The following SMIM8 variants were observed in gnomAD, a reference collection of about 807,000 sequenced individuals.
SMIM8 encodes small integral membrane protein 8.
Under a neutral mutation model 8.1 loss-of-function variants are expected in SMIM8, and 8 were observed. That is an observed-to-expected ratio of 0.99 (90% CI 0.58 to 1.78). The LOEUF is 1.78. SMIM8 is among the 40% of genes most tolerant of loss of function. SMIM8 has a pLI of 0.00. For missense variants in SMIM8, 126 were observed against 119.8 expected, an observed-to-expected ratio of 1.05 and a Z score of -0.24; for synonymous variants, 45 against 39.7, an observed-to-expected ratio of 1.13 and a Z score of -0.50.
At chr6:87,325,241 A>C (rs2127915414) in intron 1 of SMIM8, among the ~76,000 whole-genome samples, 1 of 151,014 alleles carries the variant, frequency 6.6e-6, no homozygotes, top group Admixed American at 6.6e-5. Flanking sequence ...CTCTTTTCCT[A>C]ATTGAATACC....
chr6:87,328,255 C>G (rs1776884803), intron 1 of SMIM8, among the ~76,000 whole-genome samples: 1 of 152,104 alleles, frequency 6.6e-6, no homozygotes, highest in South Asian at 2.1e-4. Flanking sequence ...CTCAGCTCGT[C>G]AAAGTCATTC....
chr6:87,323,803 C>A lies in SMIM8; in HGVS notation c.-45+1171C>A, dbSNP rs58345266. 1.8e-3 allele frequency among the ~76,000 whole-genome samples: 272 copies of A among 152,058 alleles called. 1 individual carries two copies. The highest frequency in any genetic ancestry group is 6.4e-3 in the African/African-American group (264 of 41,466). On this transcript the variant is annotated intron_variant, in intron 1 of 3. Transcript: ENST00000392863. ...GGGTATATACCCAGTAATGGGATGG[C>A]TGGGTCAAATGGTATTTCTAGTTCT...
chr6:87,322,851 A>G (rs1297277806), intron 1 of SMIM8: 1 of 151,894 alleles, frequency 6.6e-6, no homozygotes, highest in Non-Finnish European at 1.5e-5. Flanking sequence ...CACAGAGCCC[A>G]TTTCCCGTAC....
At chr6:87,332,998 T>C (rs1369098150) in intron 2 of SMIM8, among the ~76,000 whole-genome samples, 1 of 152,206 alleles carries the variant, frequency 6.6e-6, no homozygotes, top group Non-Finnish European at 1.5e-5. Flanking sequence ...TTTGTGTTGC[T>C]ATAAAGGAAT....
At chr6:87,324,669 G>C (rs1289459608) in intron 1 of SMIM8, among the ~76,000 whole-genome samples, 14 of 151,136 alleles carry the variant, frequency 9.3e-5, no homozygotes, top group Admixed American at 5.3e-4. Flanking sequence ...TTTGGTTACT[G>C]TAGCCTTGTA....
intron 2 of SMIM8, among the ~76,000 whole-genome samples, chr6:87,334,037 C>G (rs1233626533): frequency 6.6e-6 from 1 of 152,116 alleles, no homozygotes; most frequent in Non-Finnish European, 1.5e-5. Flanking sequence ...CATGGTGAGA[C>G]AGGAAGCAAG....
chr6:87,330,541 C>T (rs1237695672), intron 1 of SMIM8, among the ~76,000 whole-genome samples, 151 bp from the exon 2 acceptor site: 2 of 151,946 alleles, frequency 1.3e-5, no homozygotes, highest in African/African-American at 4.8e-5. Flanking sequence ...CGGTGTAGGA[C>T]CATCTGTACA....
At chr6:87,333,169 T>C (rs1228702718) in intron 2 of SMIM8, among the ~76,000 whole-genome samples, 1 of 152,106 alleles carries the variant, frequency 6.6e-6, no homozygotes, top group African/African-American at 2.4e-5. Context: ...AGAGATCACA[T>C]GGTAAGAGAG....
At chr6:87,324,378 T>C (rs1462249865) in intron 1 of SMIM8, among the ~76,000 whole-genome samples, 1 of 152,108 alleles carries the variant, frequency 6.6e-6, no homozygotes, top group Non-Finnish European at 1.5e-5. Context: ...GCTTAGGTTT[T>C]CTTCTAGGGT....
chr6:87,336,899 G>T, intron 2 of SMIM8, 110 bp from the exon 3 acceptor site: 2 of 729,120 alleles, frequency 2.7e-6, no homozygotes, highest in Non-Finnish European at 4.1e-6. Context: ...AATCACATTT[G>T]GTATGTATCT....
chr6:87,326,090 T>C (rs988740984), intron 1 of SMIM8, among the ~76,000 whole-genome samples: 9 of 152,366 alleles, frequency 5.9e-5, no homozygotes, highest in Admixed American at 2.0e-4. Flanking sequence ...GTAGTTTGTA[T>C]TTCTGTGGGA....
At chr6:87,338,538 G>A (rs1004682978) in intron 3 of SMIM8, among the ~76,000 whole-genome samples, 3 of 152,178 alleles carry the variant, frequency 2.0e-5, no homozygotes, top group African/African-American at 7.2e-5. Context: ...GGCATTGTAA[G>A]GTTAATATAT....
intron 1 of SMIM8, among the ~76,000 whole-genome samples, chr6:87,328,980 A>G (rs988763228): frequency 6.6e-6 from 1 of 152,170 alleles, no homozygotes; most frequent in African/African-American, 2.4e-5. Context: ...GCCCGTCGGA[A>G]AAGCGCAGGA....
At chr6:87,339,325 C>CGCGTGTGT (rs1227198338) in intron 3 of SMIM8, among the ~76,000 whole-genome samples, 25 of 124,086 alleles carry the variant, frequency 2.0e-4, no homozygotes, top group Non-Finnish European at 2.7e-4. Context: ...CAAAACACAG[C>CGCGTGTGT]GTGTGTGTGT....
At chr6:87,324,058 T>A (rs1472487507) in intron 1 of SMIM8, among the ~76,000 whole-genome samples, 14 of 151,166 alleles carry the variant, frequency 9.3e-5, no homozygotes, top group Admixed American at 6.6e-4. Flanking sequence ...GTGTTTTGGC[T>A]GCATAAATGT....
At chr6:87,332,320 C>CATATATATATATATAT (rs1209129014) in intron 2 of SMIM8, among the ~76,000 whole-genome samples, 3 of 93,108 alleles carry the variant, frequency 3.2e-5, no homozygotes, top group African/African-American at 1.3e-4. Context: ...CCTCCCCCCC[C>CATATATATATATATAT]ATATATGTAT....
At chr6:87,332,312 T>A (rs1175788688) in intron 2 of SMIM8, among the ~76,000 whole-genome samples, 1 of 112,762 alleles carries the variant, frequency 8.9e-6, no homozygotes, top group Admixed American at 8.6e-5. Flanking sequence ...CCTCCTCTCC[T>A]CCCCCCCCAT....
In SMIM8 at chr6:87,340,372, C is replaced by T; in HGVS notation, c.*98C>T. ...CAGTATCATGTTTCTTGTTCTAGAA[C>T]ATGCTAATGAAGAGAGAAGATAGCA... On this transcript the variant is annotated 3_prime_UTR_variant, in exon 4 of 4. Coordinates refer to ENST00000392863, the MANE Select transcript of SMIM8 (RefSeq NM_001042493.3). 1 of 1,224,818 alleles carries T rather than the reference C, an allele frequency of 8.2e-7. No individual in the cohort carries two copies. The highest frequency in any genetic ancestry group is 2.9e-5 in the South Asian group (1 of 34,706). The allele number at this position is 1,224,818 out of a possible 1,614,324, so 75.9% of individuals were successfully genotyped here.
intron 2 of SMIM8, among the ~76,000 whole-genome samples, chr6:87,334,337 A>G (rs554786545): frequency 5.9e-5 from 9 of 152,380 alleles, no homozygotes; most frequent in African/African-American, 2.2e-4. Flanking sequence ...AGTTGCCTGT[A>G]GTGAAGAAAA....
Sources: allele counts gnomAD v4.1 joint callset (sites outside exome capture counted in the v4.1 genomes callset), GRCh38; gene constraint gnomAD v4.1.1; transcripts MANE v1.5; gene names NCBI Gene and HGNC (gene_info 2026-07-23, HGNC 2026-07-21).